GRIA3: variants seen among roughly 807,000 people sequenced by gnomAD.
The protein encoded by GRIA3 is glutamate receptor 3.
In GRIA3, 3 loss-of-function variants were observed where a neutral mutation model predicts 63.0. The ratio of observed to expected loss-of-function variants is 0.05; its 90% CI spans 0.02 to 0.12. The LOEUF is 0.12. GRIA3 is among the 10% of genes least tolerant of loss of function. The probability of loss-of-function intolerance (pLI) is 1.00; values close to 1 mark genes in which losing one functional copy is unlikely to be tolerated. For missense variants in GRIA3, 347 were observed against 700.9 expected, an observed-to-expected ratio of 0.50 and a Z score of 5.70; for synonymous variants, 274 against 257.9, an observed-to-expected ratio of 1.06 and a Z score of -0.60.
intron 12 of GRIA3, among the ~76,000 whole-genome samples, chrX:123,442,990 C>T (rs971676640): frequency 9.1e-6 from 1 of 110,192 alleles, no homozygotes; most frequent in Non-Finnish European, 1.9e-5. Flanking sequence ...TCAAGCCACC[C>T]GCTCTGTGTG....
chrX:123,419,997 A>C (rs2045556240), intron 11 of GRIA3, among the ~76,000 whole-genome samples: 1 of 112,182 alleles, frequency 8.9e-6, no homozygotes. Context: ...GAATGTCCTG[A>C]GCCTCACAAA....
intron 5 of GRIA3, among the ~76,000 whole-genome samples, chrX:123,369,187 C>T (rs1569426049): frequency 9.0e-6 from 1 of 111,561 alleles, no homozygotes; most frequent in East Asian, 2.8e-4. Flanking sequence ...TGGATTCTTC[C>T]TCAATTTTCC....
At chrX:123,290,586 C>CTGTGTGTGTGTG (rs761564682) in intron 3 of GRIA3, among the ~76,000 whole-genome samples, 1 of 90,173 alleles carries the variant, frequency 1.1e-5, no homozygotes, top group African/African-American at 4.0e-5. Context: ...CCTCAAAGGA[C>CTGTGTGTGTGTG]TGTGTGTGTG....
At chrX:123,212,257 A>T (rs16997167) in intron 2 of GRIA3, among the ~76,000 whole-genome samples, 2,740 of 111,243 alleles carry the variant, frequency 0.025, 89 homozygotes, top group African/African-American at 0.084. Context: ...GTGAGTAAAC[A>T]TTGTCAGAAT....
chrX:123,409,045 T>C (rs1050828103), intron 10 of GRIA3, among the ~76,000 whole-genome samples: 31 of 111,952 alleles, frequency 2.8e-4, no homozygotes, highest in Non-Finnish European at 5.1e-4. Flanking sequence ...CTTTCATTTC[T>C]GGCAGGCCTG....
At chrX:123,218,626 T>C (rs1463958720) in intron 2 of GRIA3, among the ~76,000 whole-genome samples, 1 of 111,348 alleles carries the variant, frequency 9.0e-6, no homozygotes, top group Non-Finnish European at 1.9e-5. Context: ...ACTGTCTCTT[T>C]AATGAGACTT....
At chrX:123,462,873 AT>A (rs1292940197) in intron 12 of GRIA3, among the ~76,000 whole-genome samples, 1 of 111,490 alleles carries the variant, frequency 9.0e-6, no homozygotes, top group East Asian at 2.8e-4. Flanking sequence ...TCACCTTAGA[AT>A]TTTTTTCTAG....
intron 3 of GRIA3, among the ~76,000 whole-genome samples, chrX:123,322,194 A>C (rs2044872664): frequency 9.0e-6 from 1 of 111,719 alleles, no homozygotes; most frequent in Admixed American, 9.5e-5. Context: ...TCATAGCTGC[A>C]GCCCAGTTCT....
rs767926961 is a variant in GRIA3, at chrX:123,412,222, G to A, written c.1501-5180G>A. Among the ~76,000 whole-genome samples, 4 of 111,805 alleles carry A rather than the reference G, an allele frequency of 3.6e-5. No individual in the cohort carries two copies. The Admixed American group carries it at 3.8e-4, about 11-fold the overall frequency. On this transcript the variant is annotated intron_variant, in intron 10 of 15. Coordinates refer to ENST00000620443, the MANE Select transcript of GRIA3 (RefSeq NM_007325.5). ...TTTTTGGATGCTAGTTAGTTACAGG[G>A]TGGAGCATATAACTAACTAGTGTTC...
intron 2 of GRIA3, among the ~76,000 whole-genome samples, chrX:123,221,202 G>A (rs754406332): frequency 1.8e-5 from 2 of 112,441 alleles, no homozygotes; most frequent in African/African-American, 3.2e-5. Flanking sequence ...GAAAGTAAAC[G>A]TGTGAATCAT....
chrX:123,446,746 T>C (rs1204652845), intron 12 of GRIA3, among the ~76,000 whole-genome samples: 1 of 111,936 alleles, frequency 8.9e-6, no homozygotes, highest in African/African-American at 3.2e-5. Flanking sequence ...AATTAACTAC[T>C]GTTAGTGGCA....
chrX:123,367,648 G>C (rs1192009009), intron 5 of GRIA3, among the ~76,000 whole-genome samples: 1 of 111,097 alleles, frequency 9.0e-6, no homozygotes, highest in Non-Finnish European at 1.9e-5. Flanking sequence ...TGTTGGCCAG[G>C]CTGGTCTAGA....
chrX:123,194,010 T>C (rs926479473), intron 2 of GRIA3, among the ~76,000 whole-genome samples: 1 of 111,353 alleles, frequency 9.0e-6, no homozygotes, highest in African/African-American at 3.3e-5. Context: ...TTTCAACATT[T>C]GACCTTCTCC....
At chrX:123,259,508 C>CGT (rs1408551735) in intron 3 of GRIA3, among the ~76,000 whole-genome samples, 147 of 107,681 alleles carry the variant, frequency 1.4e-3, no homozygotes, top group African/African-American at 4.1e-3. Context: ...CACACTCATG[C>CGT]GCGCGCACAC....
chrX:123,244,566 G>C (rs139328958), intron 2 of GRIA3, among the ~76,000 whole-genome samples: 1,999 of 112,400 alleles, frequency 0.018, 47 homozygotes, highest in African/African-American at 0.062. Context: ...CATTTTCATT[G>C]GATTAAGGTT....
chrX:123,206,338 C>T (rs890915121), intron 2 of GRIA3, among the ~76,000 whole-genome samples: 2 of 111,783 alleles, frequency 1.8e-5, no homozygotes, highest in African/African-American at 3.2e-5. Flanking sequence ...ATCTTTTATC[C>T]TGTCACTTAG....
intron 4 of GRIA3, among the ~76,000 whole-genome samples, chrX:123,333,837 T>A (rs1317787107): frequency 1.8e-5 from 2 of 111,029 alleles, no homozygotes; most frequent in African/African-American, 6.5e-5. Flanking sequence ...CCCACTGGCC[T>A]TCCTTCATCT....
At chrX:123,185,811 C>T in intron 1 of GRIA3, 21 bp from the exon 2 acceptor site, 1 of 1,205,814 alleles carries the variant, frequency 8.3e-7, no homozygotes, top group Non-Finnish European at 1.1e-6. Flanking sequence ...CAAGCCAAAT[C>T]TCCGTTCCCT....
chrX:123,281,421 G>A (rs1328760346), intron 3 of GRIA3, among the ~76,000 whole-genome samples: 1 of 112,146 alleles, frequency 8.9e-6, no homozygotes, highest in African/African-American at 3.2e-5. Flanking sequence ...AAGAATTCTA[G>A]TATTTGAAAA....
Sources: allele counts gnomAD v4.1 joint callset (sites outside exome capture counted in the v4.1 genomes callset), GRCh38; gene constraint gnomAD v4.1.1; transcripts MANE v1.5; gene names NCBI Gene and HGNC (gene_info 2026-07-23, HGNC 2026-07-21).